Variants in BCO2 observed in about 807,000 individuals in gnomAD.
BCO2 encodes beta-carotene oxygenase 2.
BCO2 carries 56 observed loss-of-function variants against 65.8 expected under a neutral mutation model. The observed-to-expected ratio is 0.85, with a 90% CI of 0.69 to 1.06. The LOEUF (loss-of-function observed/expected upper bound fraction) is 1.06. Among genes scored for constraint, BCO2 ranks in the 50% least tolerant of loss-of-function variants. The probability of loss-of-function intolerance (pLI) is 0.00; values close to 1 mark genes in which losing one functional copy is unlikely to be tolerated. For synonymous variants in BCO2, 233 were observed against 242.3 expected (o/e 0.96, Z 0.36); for missense variants, 675 against 698.5 (o/e 0.97, Z 0.38).
intron 4 of BCO2, 78 bp downstream of exon 4, chr11:112,194,072 T>A: frequency 2.4e-6 from 2 of 843,868 alleles, no homozygotes; most frequent in Admixed American, 4.3e-5. Flanking sequence ...TAGAGTAGTA[T>A]ATATCAAGAA....
At chr11:112,185,051 T>A (rs913284487) in intron 2 of BCO2, among the ~76,000 whole-genome samples, 1 of 152,234 alleles carries the variant, frequency 6.6e-6, no homozygotes, top group African/African-American at 2.4e-5. Flanking sequence ...ATGAATTATT[T>A]TCTTTGCTTT....
Position 112,194,671 on chromosome 11 carries a change from A to G in BCO2, c.652A>G (p.Ile218Val). The change falls in exon 5 of 12, where the codon ATT becomes GTT. Residue 218 changes from isoleucine to valine, a missense_variant. Ile to Val is a conservative substitution (Grantham distance 29, BLOSUM62 3). Coordinates refer to ENST00000357685, the MANE Select transcript of BCO2 (RefSeq NM_031938.7). The stretch of plus-strand genomic sequence containing the variant: ...TTTGCAGGTAGATTGGAGCAAATTT[A>G]TTGCTGTGAATGGAGCAACTGCACA... ...KTEKVDWSKF[I>V]AVNGATAHPH... is the part of the protein sequence containing the mutation. 1 of 1,612,466 alleles carries G rather than the reference A, an allele frequency of 6.2e-7. No homozygotes were observed. Among genetic ancestry groups the G allele is most frequent in the Non-Finnish European group, 8.5e-7 (1 of 1,179,030 alleles).
In BCO2 at chr11:112,214,775, A is replaced by C; in HGVS notation, c.1346A>C (p.His449Pro). The C allele has an allele frequency of 6.2e-7, 1 of 1,613,328 alleles. No homozygotes were observed. The highest frequency in any genetic ancestry group is 8.5e-7 in the Non-Finnish European group (1 of 1,179,296). ...AATCTCTTTTAGATCTGGTGCTCTCATGAAAATCTACATCAGGAGGACCTA... is the reference window on the plus strand; with the variant it reads ...AATCTCTTTTAGATCTGGTGCTCTCCTGAAAATCTACATCAGGAGGACCTA... ...KQADGTIWCS[H>P]ENLHQEDLEK... Residue 449 changes from histidine to proline, a missense_variant, in exon 10 of 12, where the codon CAT (histidine) becomes CCT (proline). Physicochemically the swap from His to Pro is moderately conservative, Grantham distance 77. Transcript: ENST00000357685.
intron 9 of BCO2, among the ~76,000 whole-genome samples, chr11:112,214,382 C>G (rs1473294460): frequency 1.3e-5 from 2 of 152,074 alleles, no homozygotes; most frequent in Non-Finnish European, 2.9e-5. Flanking sequence ...CTCCTGACCT[C>G]AGGTAATCCG....
At chr11:112,213,612 A>T (rs1378777396) in intron 8 of BCO2, 112 bp from the exon 9 acceptor site, 2 of 1,151,624 alleles carry the variant, frequency 1.7e-6, no homozygotes, top group African/African-American at 1.5e-5. Flanking sequence ...AATGGAAATT[A>T]TCATTTATTT....
chr11:112,179,702 TG>T (rs1866980265), intron 2 of BCO2: 1 of 538,398 alleles, frequency 1.9e-6, no homozygotes, highest in South Asian at 2.1e-5. Context: ...AAGCCCTCTG[TG>T]GTTTGTACCA....
chr11:112,175,779 G>A, intron 1 of BCO2, 90 bp downstream of exon 1: 1 of 1,173,554 alleles, frequency 8.5e-7, no homozygotes, highest in Non-Finnish European at 1.3e-6. Flanking sequence ...AGGTTGCTGG[G>A]AGCTTCTGAA....
chr11:112,179,586 C>A, intron 2 of BCO2, 104 bp downstream of exon 2: 2 of 1,051,998 alleles, frequency 1.9e-6, no homozygotes, highest in Non-Finnish European at 2.8e-6. Flanking sequence ...ATTTCCATTC[C>A]ATCCCTTTGA....
chr11:112,208,070 C>T (rs1484575848), intron 8 of BCO2, among the ~76,000 whole-genome samples: 1 of 151,994 alleles, frequency 6.6e-6, no homozygotes, highest in Non-Finnish European at 1.5e-5. Context: ...AGCAATACTC[C>T]CACCTCAGCT....
chr11:112,185,554 A>G (rs941101404), intron 2 of BCO2, among the ~76,000 whole-genome samples: 3 of 152,136 alleles, frequency 2.0e-5, no homozygotes, highest in African/African-American at 4.8e-5. Flanking sequence ...CTTTATTAGC[A>G]CTTTGATGTA....
Position 112,216,201 on chromosome 11 carries a change from C to G in BCO2, c.1516-19C>G, listed in dbSNP as rs376609883. 4 of 1,583,530 alleles carry G rather than the reference C, an allele frequency of 2.5e-6. No homozygotes were observed. The Admixed American group carries it at 5.0e-5, about 20-fold the overall frequency. ...CTTACTACTTGCCTTTTATCAAATG[C>G]TTTTTTTGGGACTTGCAGGTTTGGA... is the stretch of plus-strand genomic sequence containing the variant. On this transcript the variant is annotated intron_variant, in intron 10 of 11. Transcript: ENST00000357685.
chr11:112,187,010 G>C (rs562657248), intron 2 of BCO2, among the ~76,000 whole-genome samples: 1 of 152,036 alleles, frequency 6.6e-6, no homozygotes, highest in Non-Finnish European at 1.5e-5. Context: ...ATGCCACTTC[G>C]ACAAGGCCAC....
At chr11:112,209,688 G>A (rs1005563862) in intron 8 of BCO2, among the ~76,000 whole-genome samples, 2 of 151,998 alleles carry the variant, frequency 1.3e-5, no homozygotes, top group Admixed American at 6.6e-5. Context: ...ATCATATAAC[G>A]TTTATCCTTT....
intron 5 of BCO2, 90 bp from the exon 6 acceptor site, chr11:112,199,609 A>T: frequency 1.7e-6 from 2 of 1,169,068 alleles, no homozygotes; most frequent in Non-Finnish European, 2.4e-6. Flanking sequence ...TAAATCTCTT[A>T]ATTGCTTTTG....
At chr11:112,211,910 T>A (rs1261900052) in intron 8 of BCO2, among the ~76,000 whole-genome samples, 1 of 152,236 alleles carries the variant, frequency 6.6e-6, no homozygotes, top group Admixed American at 6.5e-5. Flanking sequence ...GGGTAGTTGA[T>A]CCATATAATG....
In BCO2 at chr11:112,203,735, A is replaced by G. The variant is rs544556606; in HGVS notation, c.1194+1545A>G. Among the ~76,000 whole-genome samples, 5 of 152,292 alleles carry G rather than the reference A, an allele frequency of 3.3e-5. No individual in the cohort carries two copies. In the South Asian group the frequency reaches 1.0e-3, roughly 32 times the overall value. On this transcript the variant is annotated intron_variant, in intron 8 of 11. Coordinates refer to ENST00000357685, the MANE Select transcript of BCO2 (RefSeq NM_031938.7). Reference sequence around the variant, plus strand: ...TCTACTGTTTGGTATCCTTTGAGCTACATCTTGTCTTTGCCTTCCCCTCCC... The same window carrying G: ...TCTACTGTTTGGTATCCTTTGAGCTGCATCTTGTCTTTGCCTTCCCCTCCC...
chr11:112,207,969 T>G lies in BCO2; in HGVS notation c.1195-5755T>G, dbSNP rs1859394134. Among the ~76,000 whole-genome samples the G allele has an allele frequency of 1.3e-5, 2 of 151,680 alleles. 1 individual carries two copies. Among genetic ancestry groups the G allele is most frequent in the Admixed American group, 1.3e-4 (2 of 15,222 alleles). Reference sequence around the variant, plus strand: ...TGTTGCTATATAGCAATTTTTTTTTTTTGAGACAGTGTGACGGTCTCACTC... The same window carrying G: ...TGTTGCTATATAGCAATTTTTTTTTGTTGAGACAGTGTGACGGTCTCACTC... On this transcript the variant is annotated intron_variant, in intron 8 of 11. Transcript: ENST00000357685.
Position 112,217,489 on chromosome 11 carries a change from G to A in BCO2, c.1627-272G>A, listed in dbSNP as rs562153397. Among the ~76,000 whole-genome samples, 5 of 152,306 alleles carry A rather than the reference G, an allele frequency of 3.3e-5. No homozygotes were observed. The South Asian group carries it at 1.0e-3, about 32-fold the overall frequency. ...GCGATCCTCCTGCCTCAGCCTCTGA[G>A]TAGCTGGTACTACAGGTGTGCACCA... On this transcript the variant is annotated intron_variant, in intron 11 of 11. Coordinates refer to ENST00000357685, the MANE Select transcript of BCO2 (RefSeq NM_031938.7).
Position 112,218,400 on chromosome 11 carries a change from C to A in BCO2, c.*526C>A. On this transcript the variant is annotated 3_prime_UTR_variant, in exon 12 of 12. Transcript: ENST00000357685. ...CTTTATAAGAGGTGCGGAAGACTGCCCTCACTCATCATGGCCTAGCATGTG... is the reference window on the plus strand; with the variant it reads ...CTTTATAAGAGGTGCGGAAGACTGCACTCACTCATCATGGCCTAGCATGTG... 5.7e-6 allele frequency: 1 copy of A among 175,984 alleles called. No homozygotes were observed. Among genetic ancestry groups the A allele is most frequent in the East Asian group, 1.3e-4 (1 of 7,450 alleles). The allele number at this position is 175,984 out of a possible 1,614,324, so 10.9% of individuals were successfully genotyped here.
Sources: allele counts gnomAD v4.1 joint callset (sites outside exome capture counted in the v4.1 genomes callset), GRCh38; gene constraint gnomAD v4.1.1; transcripts MANE v1.5; gene names NCBI Gene and HGNC (gene_info 2026-07-23, HGNC 2026-07-21).